The following GCG variants were observed in gnomAD, a reference collection of about 807,000 sequenced individuals.
GCG encodes glucagon.
A neutral mutation model predicts 22.8 loss-of-function variants in GCG; 11 were observed. The observed-to-expected ratio is 0.48, with a 90% CI of 0.30 to 0.80. The LOEUF is 0.80. Ranked by LOEUF, GCG falls within the 30% of genes least tolerant of loss-of-function variation. The probability of loss-of-function intolerance (pLI) is 0.06; values close to 1 mark genes in which losing one functional copy is unlikely to be tolerated. For missense variants in GCG, 222 were observed against 222.0 expected, an observed-to-expected ratio of 1.00 and a Z score of 0.00; for synonymous variants, 89 against 72.4, an observed-to-expected ratio of 1.23 and a Z score of -1.16.
chr2:162,147,183 C>T (rs574975337), intron 3 of GCG, among the ~76,000 whole-genome samples, 170 bp downstream of exon 3: 1 of 152,182 alleles, frequency 6.6e-6, no homozygotes. Flanking sequence ...CGGGTTAAGA[C>T]ATTCGGGGGC....
At chr2:162,146,712 A>G (rs1686696056) in intron 3 of GCG, among the ~76,000 whole-genome samples, 1 of 152,034 alleles carries the variant, frequency 6.6e-6, no homozygotes, top group South Asian at 2.1e-4. Context: ...AAAATTGTGA[A>G]ATTCCACCAT....
At chr2:162,147,552 C>T in intron 2 of GCG, 38 bp from the exon 3 acceptor site, 1 of 1,593,616 alleles carries the variant, frequency 6.3e-7, no homozygotes, top group Non-Finnish European at 8.6e-7. Context: ...TAAATCTCTC[C>T]TCAAGAGTAG....
intron 5 of GCG, among the ~76,000 whole-genome samples, chr2:162,143,626 G>A (rs1024638044): frequency 4.6e-5 from 7 of 151,746 alleles, no homozygotes; most frequent in South Asian, 2.1e-4. Context: ...AGTATTTTTC[G>A]GTGTCCAGTT....
At chr2:162,149,761 G>A (rs1467273975) in intron 1 of GCG, among the ~76,000 whole-genome samples, 2 of 151,926 alleles carry the variant, frequency 1.3e-5, no homozygotes, top group Non-Finnish European at 2.9e-5. Context: ...ATTATAAAGC[G>A]GCCAACAGAT....
In GCG at chr2:162,149,033, CA is replaced by C; in HGVS notation, c.92+53del. The stretch of plus-strand genomic sequence containing the variant: ...CCTTATTCACTAATCATAGTTTTCA[CA>C]GGCTTTATTCCAACCATATTGATAT... On this transcript the variant is annotated intron_variant, in intron 2 of 5. Coordinates refer to ENST00000418842, the MANE Select transcript of GCG (RefSeq NM_002054.5). 2.9e-6 allele frequency: 3 copies of C among 1,040,614 alleles called. No homozygotes were observed. In the South Asian group the frequency reaches 4.0e-5, roughly 14 times the overall value. The allele number at this position is 1,040,614 out of a possible 1,614,324, so 64.5% of individuals were successfully genotyped here.
chr2:162,147,347 T>A lies in GCG; in HGVS notation c.254+6A>T. On this transcript the variant is annotated splice_donor_region_variant and intron_variant, in intron 3 of 5. Transcript: ENST00000418842. The stretch of plus-strand genomic sequence containing the variant: ...AGCAAGTTTTGAGCCAGGCTTAGAC[T>A]CTTACCTGTTCCTCTTGGTATTCAT... The A allele has an allele frequency of 1.9e-6, 3 of 1,610,234 alleles. No individual in the cohort carries two copies. Among genetic ancestry groups the A allele is most frequent in the Non-Finnish European group, 2.5e-6 (3 of 1,176,896 alleles).
intron 5 of GCG, 66 bp downstream of exon 5, chr2:162,143,961 C>T (rs766552712): frequency 1.5e-6 from 2 of 1,363,388 alleles, no homozygotes; most frequent in Non-Finnish European, 2.1e-6. Flanking sequence ...GAACAGCTTG[C>T]AGCAGTATGA....
intron 2 of GCG, chr2:162,147,721 T>C (rs938821285): frequency 2.1e-5 from 13 of 610,458 alleles, no homozygotes; most frequent in Admixed American, 1.4e-4. Flanking sequence ...TATTCTGAAT[T>C]CTAGAAACAT....
At chr2:162,143,419 T>C in intron 5 of GCG, 49 bp from the exon 6 acceptor site, 1 of 705,646 alleles carries the variant, frequency 1.4e-6, no homozygotes, top group Non-Finnish European at 2.4e-6. Flanking sequence ...AATAAGATGA[T>C]ATCATTAACT....
At chr2:162,149,293 G>A (rs2106197761) in intron 1 of GCG, 106 bp from the exon 2 acceptor site, 1 of 648,228 alleles carries the variant, frequency 1.5e-6, no homozygotes. Context: ...ATAAGTAGAA[G>A]GAAAAAGCTA....
Position 162,144,165 on chromosome 2 carries a change from G to A in GCG, c.398C>T (p.Pro133Leu), listed in dbSNP as rs567281718. The A allele has an allele frequency of 1.9e-6, 3 of 1,608,952 alleles. No homozygotes were observed. The South Asian group carries it at 3.3e-5, about 18-fold the overall frequency. Residue 133 changes from proline to leucine, a missense_variant, in exon 5 of 6, where the codon CCA (proline) becomes CTA (leucine). Transcript: ENST00000418842. ...LVKGRGRRDF[P>L]EEVAIVEELG... is the part of the protein sequence containing the mutation. ...TTCTTCAACAATGGCGACCTCTTCT[G>A]GGAAACTAAGAAAATAAGTGTTAAA... is the stretch of plus-strand genomic sequence containing the variant.
rs763101459 is a variant in GCG, at chr2:162,145,601, A to G, written c.331T>C (p.Leu111=). The change falls in exon 4 of 6, where the codon TTG becomes CTG. Residue 111 remains leucine, a synonymous_variant. Transcript: ENST00000418842. ...GTFTSDVSSY[L]EGQAAKEFIA... The stretch of plus-strand genomic sequence containing the variant: ...AATTCCTTGGCAGCTTGGCCTTCCA[A>G]ATAAGAACTTACATCACTGGTAAAG... 33 of 1,612,412 alleles carry G rather than the reference A, an allele frequency of 2.0e-5. No individual in the cohort carries two copies. The highest frequency in any genetic ancestry group is 1.1e-4 in the South Asian group (10 of 90,784).
intron 4 of GCG, chr2:162,145,257 A>C (rs751877873): frequency 5.1e-4 from 135 of 266,576 alleles, no homozygotes; most frequent in Non-Finnish European, 6.8e-4. Flanking sequence ...AAAACATCCT[A>C]TTTACTCTCA....
At chr2:162,143,612 G>C (rs1008922350) in intron 5 of GCG, among the ~76,000 whole-genome samples, 1 of 151,996 alleles carries the variant, frequency 6.6e-6, no homozygotes, top group African/African-American at 2.4e-5. Context: ...AATTCATCAA[G>C]ATAAGTATTT....
At chr2:162,147,314 C>T (rs371413340) in intron 3 of GCG, 39 bp downstream of exon 3, 91 of 1,507,122 alleles carry the variant, frequency 6.0e-5, no homozygotes, top group Admixed American at 1.4e-4. Flanking sequence ...CTATTTAATA[C>T]ATTTATAAGC....
rs1686857131 is a variant in GCG at position 162,152,204 on chromosome 2, C to G, written c.-56G>C. 6.6e-6 allele frequency: 1 copy of G among 152,548 alleles called. No homozygotes were observed. The highest frequency in any genetic ancestry group is 2.4e-5 in the African/African-American group (1 of 41,436). The allele number at this position is 152,548 out of a possible 1,614,324, so 9.4% of individuals were successfully genotyped here. A position where few individuals can be genotyped will look rare whatever the true frequency, so the allele number is the denominator to read the frequency against. On this transcript the variant is annotated 5_prime_UTR_variant, in exon 1 of 6. Transcript: ENST00000418842. Reference sequence around the variant, plus strand: ...ACAGAGCAGGTGAAGAGAGAGCAAGCCCTCTTTGGGAACTTTTGATGTGCT... The same window carrying G: ...ACAGAGCAGGTGAAGAGAGAGCAAGGCCTCTTTGGGAACTTTTGATGTGCT...
At chr2:162,145,486 C>T in intron 4 of GCG, 54 bp downstream of exon 4, 1 of 1,488,740 alleles carries the variant, frequency 6.7e-7, no homozygotes, top group East Asian at 2.3e-5. Context: ...TAACTGTAGT[C>T]TTAAATTTTC....
At chr2:162,147,159 G>T (rs1686708012) in intron 3 of GCG, among the ~76,000 whole-genome samples, 194 bp downstream of exon 3, 1 of 152,080 alleles carries the variant, frequency 6.6e-6, no homozygotes, top group African/African-American at 2.4e-5. Flanking sequence ...TTGGGTAAGT[G>T]GTTTAGAGGG....
At position 162,149,107 on chromosome 2, in the gene GCG, T is replaced by C; in HGVS notation, c.72A>G (p.Gln24=). The C allele has an allele frequency of 6.2e-7, 1 of 1,609,768 alleles. No homozygotes were observed. Among genetic ancestry groups the C allele is most frequent in the Non-Finnish European group, 8.5e-7 (1 of 1,176,302 alleles). The change falls in exon 2 of 6, where the codon CAA becomes CAG. Residue 24 remains glutamine, a synonymous_variant. Transcript: ENST00000418842. ...AATACCTGGATTTCTCCTCTGTGTCTTGAAGGGAACGTTGCCAGCTGCCTT... is the reference window on the plus strand; with the variant it reads ...AATACCTGGATTTCTCCTCTGTGTCCTGAAGGGAACGTTGCCAGCTGCCTT... ...LVQGSWQRSL[Q]DTEEKSRSFS...
Sources: gnomAD v4.1 joint callset for allele counts (sites outside exome capture counted in the v4.1 genomes callset) on GRCh38, gnomAD v4.1.1 for gene constraint, MANE v1.5 for transcripts, NCBI Gene and HGNC (gene_info 2026-07-23, HGNC 2026-07-21) for gene names.